Variants in MROH2B observed in about 807,000 individuals in gnomAD.
The protein encoded by MROH2B is maestro heat-like repeat-containing protein family member 2B.
A neutral mutation model predicts 208.6 loss-of-function variants in MROH2B; 177 were observed. That is an observed-to-expected ratio of 0.85 (90% CI 0.75 to 0.96). MROH2B has a LOEUF of 0.96. Ranked by LOEUF, MROH2B falls within the 40% of genes least tolerant of loss-of-function variation. The pLI is 0.00. For synonymous variants in MROH2B, 728 were observed against 659.0 expected (o/e 1.10, Z -1.60); for missense variants, 2,002 against 1,878.7 (o/e 1.07, Z -1.21).
At chr5:41,021,575 T>G (rs1260178609) in intron 24 of MROH2B, among the ~76,000 whole-genome samples, 2 of 152,148 alleles carry the variant, frequency 1.3e-5, no homozygotes, top group African/African-American at 4.8e-5. Flanking sequence ...AGTATGTAAC[T>G]GGCATAAAGA....
At chr5:41,032,345 G>A (rs535080182) in intron 24 of MROH2B, among the ~76,000 whole-genome samples, 3 of 152,124 alleles carry the variant, frequency 2.0e-5, no homozygotes, top group East Asian at 3.9e-4. Flanking sequence ...TTTAAAATAT[G>A]CCAAAAAGTA....
intron 15 of MROH2B, 93 bp downstream of exon 15, chr5:41,049,008 G>C: frequency 8.2e-7 from 1 of 1,214,496 alleles, no homozygotes; most frequent in South Asian, 1.4e-5. Flanking sequence ...TTTGTTTGGA[G>C]TATCTATGTA....
rs540652327 is a variant in MROH2B, at chr5:41,031,468, C to T, written c.2441+1274G>A. On this transcript the variant is annotated intron_variant, in intron 24 of 41. Coordinates refer to ENST00000399564, the MANE Select transcript of MROH2B (RefSeq NM_173489.5). ...TGGGTGGGGACCCAAAGTCAAACCA[C>T]ATCAAGGAAATAGACCAAAATGCTG... Among the ~76,000 whole-genome samples the T allele has an allele frequency of 1.2e-4, 18 of 152,194 alleles. No individual in the cohort carries two copies. The South Asian group carries it at 3.7e-3, about 32-fold the overall frequency.
chr5:41,062,627 C>T (rs1258971310), intron 5 of MROH2B, among the ~76,000 whole-genome samples: 4 of 152,072 alleles, frequency 2.6e-5, no homozygotes, highest in Admixed American at 6.6e-5. Context: ...CCCTTGTGTG[C>T]CACTTATTTT....
rs530855194 is a variant in MROH2B, at chr5:41,009,851, C to G, written c.3293+71G>C. On this transcript the variant is annotated intron_variant, in intron 31 of 41. Transcript: ENST00000399564. ...TTTGTTTGCTATCTTGCTCTCAAAC[C>G]GTAAATCCCTCCCCAGTGCCTTTCA... The G allele has an allele frequency of 8.8e-6, 13 of 1,471,534 alleles. 1 individual carries two copies. In the South Asian group the frequency reaches 1.7e-4, roughly 20 times the overall value. The allele number at this position is 1,471,534 out of a possible 1,614,324, so 91.2% of individuals were successfully genotyped here.
chr5:41,035,070 C>T (rs561207137), intron 21 of MROH2B, among the ~76,000 whole-genome samples: 1 of 152,048 alleles, frequency 6.6e-6, no homozygotes, highest in Non-Finnish European at 1.5e-5. Context: ...TTACCAATGT[C>T]ATTCTTCACA....
At chr5:41,037,531 C>A (rs1487737016) in intron 21 of MROH2B, among the ~76,000 whole-genome samples, 1 of 152,148 alleles carries the variant, frequency 6.6e-6, no homozygotes, top group African/African-American at 2.4e-5. Context: ...GTACCCTATA[C>A]CCTTCCACTA....
At chr5:41,022,933 G>C (rs892584571) in intron 24 of MROH2B, among the ~76,000 whole-genome samples, 15 of 118,430 alleles carry the variant, frequency 1.3e-4, no homozygotes, top group African/African-American at 2.0e-4. Context: ...AGGCAAACAG[G>C]GTCTGGAGTG....
rs78363009 is a variant in MROH2B, at chr5:41,064,486, C to G, written c.446G>C (p.Gly149Ala). The G allele has an allele frequency of 8.1e-6, 13 of 1,612,878 alleles. No homozygotes were observed. Among genetic ancestry groups the G allele is most frequent in the South Asian group, 2.2e-5 (2 of 90,910 alleles). Residue 149 changes from glycine (G) to alanine (A), a missense_variant, in exon 5 of 42, where the codon GGG becomes GCG. Gly to Ala is a moderately conservative substitution (Grantham distance 60). Coordinates refer to ENST00000399564, the MANE Select transcript of MROH2B (RefSeq NM_173489.5). ...GGGATACCCACCAATACAGAAAGTC[C>G]CCTTCATCCTTTCATCCTCGGCCAG... ...LRLAEDERMK[G>A]TFCIALEKFS...
chr5:41,048,192 A>G, intron 16 of MROH2B, 132 bp downstream of exon 16: 1 of 1,115,176 alleles, frequency 9.0e-7, no homozygotes, highest in Non-Finnish European at 1.2e-6. Flanking sequence ...AAAAATAGCT[A>G]TCTACCTTGC....
chr5:41,004,562 T>C (rs745901411), intron 36 of MROH2B, 34 bp from the exon 37 acceptor site: 1 of 1,591,960 alleles, frequency 6.3e-7, no homozygotes, highest in South Asian at 1.1e-5. Flanking sequence ...ATCTTGAAAA[T>C]TGTTCTATGC....
intron 34 of MROH2B, 140 bp from the exon 35 acceptor site, chr5:41,005,785 C>T (rs752987052): frequency 5.7e-6 from 4 of 700,564 alleles, no homozygotes; most frequent in Middle Eastern, 6.5e-4. Flanking sequence ...AATCCTAGAA[C>T]TTTGGGAGGC....
Position 41,057,371 on chromosome 5 carries a change from A to G in MROH2B, c.757-11T>C. 2 of 1,561,264 alleles carry G rather than the reference A, an allele frequency of 1.3e-6. No individual in the cohort carries two copies. The highest frequency in any genetic ancestry group is 1.2e-5 in the South Asian group (1 of 84,678). On this transcript the variant is annotated splice_polypyrimidine_tract_variant and intron_variant, in intron 7 of 41. Coordinates refer to ENST00000399564, the MANE Select transcript of MROH2B (RefSeq NM_173489.5). ...TATTTGTTTTAGGCTCTAAAGTGGA[A>G]ACTCCCACAGGTTAGTTGGAGGCTG...
chr5:41,000,195 G>A lies in MROH2B; in HGVS notation c.4482+25C>T, dbSNP rs747344275. The A allele has an allele frequency of 1.9e-6, 3 of 1,607,386 alleles. No individual in the cohort carries two copies. In the Admixed American group the frequency reaches 5.1e-5, roughly 28 times the overall value. ...CTAGACCCTTGTCCTGCCTTTTTTG[G>A]AGGCGGCATCTATTGGACACTCACC... On this transcript the variant is annotated intron_variant, in intron 39 of 41. Coordinates refer to ENST00000399564, the MANE Select transcript of MROH2B (RefSeq NM_173489.5).
intron 5 of MROH2B, 37 bp downstream of exon 5, chr5:41,064,435 G>A (rs772678128): frequency 6.4e-7 from 1 of 1,554,220 alleles, no homozygotes; most frequent in South Asian, 1.1e-5. Flanking sequence ...TTCACAGCCT[G>A]GTTTTTAAGC....
chr5:41,055,056 G>T (rs1743403359), intron 10 of MROH2B, among the ~76,000 whole-genome samples: 1 of 151,928 alleles, frequency 6.6e-6, no homozygotes, highest in Non-Finnish European at 1.5e-5. Context: ...GTTTCATTTT[G>T]TTTAAAATGT....
rs577811072 is a variant in MROH2B, at chr5:41,023,877, T to G, written c.2442-4859A>C. Reference sequence around the variant, plus strand: ...AGCCAGAAGAGAGTAGGGGCCAATATTCAACATTTTTAAAGAAAATAATTT... The same window carrying G: ...AGCCAGAAGAGAGTAGGGGCCAATAGTCAACATTTTTAAAGAAAATAATTT... On this transcript the variant is annotated intron_variant, in intron 24 of 41. Transcript: ENST00000399564. Among the ~76,000 whole-genome samples the G allele has an allele frequency of 5.3e-5, 8 of 152,290 alleles. 1 individual carries two copies. Among genetic ancestry groups the G allele is most frequent in the East Asian group, 3.9e-4 (2 of 5,180 alleles).
chr5:41,057,450 A>G lies in MROH2B; in HGVS notation c.757-90T>C, dbSNP rs929453724. 3 of 1,008,340 alleles carry G rather than the reference A, an allele frequency of 3.0e-6. No individual in the cohort carries two copies. The African/African-American group carries it at 4.9e-5, about 16-fold the overall frequency. 62.5% of individuals were successfully genotyped at this position (1,008,340 alleles called of 1,614,324 possible). On this transcript the variant is annotated intron_variant, in intron 7 of 41. Coordinates refer to ENST00000399564, the MANE Select transcript of MROH2B (RefSeq NM_173489.5). ...AGGCAAATAATTGTGTTTTGAGAGAAAAACAAGCTTCTCATCTTCCTGCAG... is the reference window on the plus strand; with the variant it reads ...AGGCAAATAATTGTGTTTTGAGAGAGAAACAAGCTTCTCATCTTCCTGCAG...
chr5:41,008,565 T>A, intron 33 of MROH2B, 41 bp downstream of exon 33: 1 of 1,604,220 alleles, frequency 6.2e-7, no homozygotes, highest in Non-Finnish European at 8.5e-7. Flanking sequence ...GAGTCTGGGA[T>A]TAGGACCACT....
Sources: allele counts gnomAD v4.1 joint callset (sites outside exome capture counted in the v4.1 genomes callset), GRCh38; gene constraint gnomAD v4.1.1; transcripts MANE v1.5; gene names NCBI Gene and HGNC (gene_info 2026-07-23, HGNC 2026-07-21).